Variants in MALRD1 observed in about 807,000 individuals in gnomAD.
MALRD1 encodes the protein MAM and LDL receptor class A domain containing 1, also known as MAM and LDL-receptor class A domain-containing protein 1.
In MALRD1, 247 loss-of-function variants were observed where a neutral mutation model predicts 242.1. The observed-to-expected ratio is 1.02, with a 90% CI of 0.92 to 1.13. MALRD1 has a LOEUF of 1.13. Ranked by LOEUF, MALRD1 falls within the 50% of genes most tolerant of loss-of-function variation. The pLI is 0.00. For synonymous variants in MALRD1, 995 were observed against 866.6 expected (o/e 1.15, Z -2.60); for missense variants, 2,989 against 2,533.1 (o/e 1.18, Z -3.86).
intron 29 of MALRD1, among the ~76,000 whole-genome samples, chr10:19,482,233 G>A (rs1337971378): frequency 1.3e-5 from 2 of 151,936 alleles, no homozygotes; most frequent in Non-Finnish European, 2.9e-5. Context: ...AGAATTACCA[G>A]GTCTAACTAG....
intron 7 of MALRD1, 60 bp from the exon 8 acceptor site, chr10:19,128,161 A>T: frequency 8.8e-7 from 1 of 1,139,546 alleles, no homozygotes; most frequent in Non-Finnish European, 1.1e-6. Context: ...TAATAGTTTT[A>T]GTCAGACAGA....
intron 35 of MALRD1, among the ~76,000 whole-genome samples, chr10:19,611,476 A>G (rs780129614): frequency 3.6e-4 from 55 of 152,162 alleles, no homozygotes; most frequent in Middle Eastern, 6.8e-3. Flanking sequence ...AATACTCAGA[A>G]TGATATTTCT....
At chr10:19,223,861 C>G (rs1054308875) in intron 18 of MALRD1, among the ~76,000 whole-genome samples, 4 of 152,178 alleles carry the variant, frequency 2.6e-5, no homozygotes, top group South Asian at 4.1e-4. Flanking sequence ...ATCCATGTCT[C>G]TGCAAAGGAC....
intron 29 of MALRD1, among the ~76,000 whole-genome samples, chr10:19,468,340 G>T (rs1331810810): frequency 2.6e-5 from 4 of 151,710 alleles, no homozygotes; most frequent in Admixed American, 2.6e-4. Context: ...AATATTAAAA[G>T]GTTCTTTTAA....
chr10:19,693,359 T>C (rs1225690270), intron 38 of MALRD1, among the ~76,000 whole-genome samples: 2 of 152,126 alleles, frequency 1.3e-5, no homozygotes, highest in Admixed American at 6.5e-5. Context: ...CTTAAGCTGA[T>C]AGGCAACTTC....
intron 28 of MALRD1, among the ~76,000 whole-genome samples, chr10:19,442,721 C>T (rs1161161825): frequency 6.6e-6 from 1 of 152,074 alleles, no homozygotes; most frequent in Non-Finnish European, 1.5e-5. Flanking sequence ...TTCGTTTTGC[C>T]AGTATTTTAT....
chr10:19,706,003 A>G (rs1229572403), intron 38 of MALRD1, among the ~76,000 whole-genome samples: 1 of 152,150 alleles, frequency 6.6e-6, no homozygotes, highest in Non-Finnish European at 1.5e-5. Context: ...TGGATACTGA[A>G]GAGCCAGCAG....
At chr10:19,623,955 A>G (rs1238947898) in intron 36 of MALRD1, among the ~76,000 whole-genome samples, 1 of 152,202 alleles carries the variant, frequency 6.6e-6, no homozygotes, top group Non-Finnish European at 1.5e-5. Context: ...AGATTCATTT[A>G]TTTAAAAAAG....
chr10:19,521,768 C>T (rs1003706789), intron 31 of MALRD1, among the ~76,000 whole-genome samples: 19 of 152,066 alleles, frequency 1.2e-4, no homozygotes, highest in Non-Finnish European at 1.5e-5. Flanking sequence ...ATTTGAGTTC[C>T]ATACTATCAT....
At chr10:19,435,540 C>A (rs1271139787) in intron 28 of MALRD1, among the ~76,000 whole-genome samples, 1 of 151,876 alleles carries the variant, frequency 6.6e-6, no homozygotes, top group Non-Finnish European at 1.5e-5. Context: ...TTTAGAATGC[C>A]CATTAATTGG....
At chr10:19,314,661 G>T (rs1842563318) in intron 21 of MALRD1, among the ~76,000 whole-genome samples, 1 of 151,564 alleles carries the variant, frequency 6.6e-6, no homozygotes, top group African/African-American at 2.4e-5. Context: ...TCTGATGCCT[G>T]TTTTTGTAAA....
At chr10:19,649,129 G>T (rs113018936) in intron 36 of MALRD1, among the ~76,000 whole-genome samples, 2 of 152,136 alleles carry the variant, frequency 1.3e-5, no homozygotes, top group Non-Finnish European at 2.9e-5. Context: ...TCTTTATCCA[G>T]TCTGTCATTG....
chr10:19,450,859 A>C (rs1835284635), intron 29 of MALRD1, among the ~76,000 whole-genome samples: 1 of 152,100 alleles, frequency 6.6e-6, no homozygotes, highest in Non-Finnish European at 1.5e-5. Context: ...GTGGAGTCCA[A>C]GTGGAGCCCT....
chr10:19,196,190 T>C (rs1403702284), intron 14 of MALRD1, among the ~76,000 whole-genome samples: 2 of 152,150 alleles, frequency 1.3e-5, no homozygotes, highest in Admixed American at 6.5e-5. Flanking sequence ...GAAAAAAAAG[T>C]TTTTACCTCT....
chr10:19,109,465 A>G (rs963706659), intron 5 of MALRD1, among the ~76,000 whole-genome samples: 2 of 152,150 alleles, frequency 1.3e-5, no homozygotes, highest in Non-Finnish European at 2.9e-5. Flanking sequence ...AAGATTGCCT[A>G]TAATTTGGGG....
chr10:19,481,337 C>T (rs1443721354), intron 29 of MALRD1, among the ~76,000 whole-genome samples: 1 of 152,120 alleles, frequency 6.6e-6, no homozygotes, highest in Non-Finnish European at 1.5e-5. Context: ...GACCTTTAAA[C>T]CTAATTCTTT....
intron 14 of MALRD1, among the ~76,000 whole-genome samples, chr10:19,202,368 A>T (rs190407165): frequency 6.6e-6 from 1 of 152,316 alleles, no homozygotes; most frequent in East Asian, 1.9e-4. Context: ...GATATTTCAT[A>T]GAAAGTATAA....
intron 13 of MALRD1, among the ~76,000 whole-genome samples, chr10:19,168,387 A>C (rs907827867): frequency 1.3e-5 from 2 of 152,224 alleles, no homozygotes; most frequent in Non-Finnish European, 2.9e-5. Flanking sequence ...TTTAGTTAGA[A>C]TGAAACTCAC....
At chr10:19,594,521 G>T (rs537828562) in intron 33 of MALRD1, among the ~76,000 whole-genome samples, 1 of 152,174 alleles carries the variant, frequency 6.6e-6, no homozygotes, top group South Asian at 2.1e-4. Flanking sequence ...ATATGAAAAA[G>T]ACACATCCTT....
Sources: gnomAD v4.1 joint callset for allele counts (sites outside exome capture counted in the v4.1 genomes callset) on GRCh38, gnomAD v4.1.1 for gene constraint, MANE v1.5 for transcripts, NCBI Gene and HGNC (gene_info 2026-07-23, HGNC 2026-07-21) for gene names.